IKBKE: variants seen among roughly 807,000 people sequenced by gnomAD.
The protein encoded by IKBKE is inhibitor of nuclear factor kappa-B kinase subunit epsilon.
Under a neutral mutation model 92.1 loss-of-function variants are expected in IKBKE, and 45 were observed. That is an observed-to-expected ratio of 0.49 (90% CI 0.38 to 0.63). The LOEUF (loss-of-function observed/expected upper bound fraction) is 0.63. IKBKE is among the 20% of genes least tolerant of loss of function. IKBKE has a pLI of 0.00. For missense variants in IKBKE, 700 were observed against 932.8 expected (o/e 0.75, Z 3.25); for synonymous variants, 374 against 380.3 (o/e 0.98, Z 0.19).
At chr1:206,482,145 GA>G (rs1553387314) in intron 13 of IKBKE, among the ~76,000 whole-genome samples, 1 of 152,124 alleles carries the variant, frequency 6.6e-6, no homozygotes, top group African/African-American at 2.4e-5. Flanking sequence ...CGCAGAGACA[GA>G]GAAGAAAAGG....
chr1:206,492,261 A>G (rs1378271038), intron 18 of IKBKE: 1 of 368,636 alleles, frequency 2.7e-6, no homozygotes, highest in Non-Finnish European at 5.5e-6. Context: ...TGTCCCCTTC[A>G]GGAGTTTTGG....
At chr1:206,491,359 C>CCCTT in intron 17 of IKBKE, 1 of 397,156 alleles carries the variant, frequency 2.5e-6, no homozygotes, top group African/African-American at 2.0e-5. Context: ...GCCTCACTTT[C>CCCTT]CCTTCCCTTT....
Position 206,474,984 on chromosome 1 carries a change from G to A in IKBKE, c.348G>A (p.Leu116=), listed in dbSNP as rs1553384905. ...GLPEDEFLVV[L]RCVVAGMNHL... Reference sequence around the variant, plus strand: ...CTGAGGATGAGTTCCTGGTGGTGCTGCGCTGTGTGGGTGAGCCCCTCCCTG... The same window carrying A: ...CTGAGGATGAGTTCCTGGTGGTGCTACGCTGTGTGGGTGAGCCCCTCCCTG... The change falls in exon 5 of 22, where the codon CTG becomes CTA. Residue 116 remains leucine, a synonymous_variant. Transcript: ENST00000581977. The A allele has an allele frequency of 1.2e-6, 2 of 1,613,828 alleles. No homozygotes were observed. The highest frequency in any genetic ancestry group is 2.7e-5 in the African/African-American group (2 of 74,894).
chr1:206,476,633 G>T lies in IKBKE; in HGVS notation c.541-45G>T. ...GGGGTCTGACAGGTCTCAGGCCCTT[G>T]CCAGCCCTCCGGCTCCATGGCCTCA... On this transcript the variant is annotated intron_variant, in intron 6 of 21. Transcript: ENST00000581977. The surrounding 1 kb of genome is among the most constrained non-coding windows in gnomAD (Gnocchi z 5.1). The T allele has an allele frequency of 1.2e-6, 2 of 1,611,440 alleles. No individual in the cohort carries two copies. Among genetic ancestry groups the T allele is most frequent in the East Asian group, 4.5e-5 (2 of 44,850 alleles).
rs148257552 is a variant in IKBKE at position 206,478,654 on chromosome 1, A to G, written c.993-289A>G. On this transcript the variant is annotated intron_variant, in intron 9 of 21. Coordinates refer to ENST00000581977, the MANE Select transcript of IKBKE (RefSeq NM_014002.4). This position sits in a 1 kb window ranked among gnomAD's most constrained non-coding sequence, Gnocchi z 4.8. Reference sequence around the variant, plus strand: ...GTACCCTTGATTCCTGGATAATTTTATAGAACTAGGTAAATTTTAATGGCA... The same window carrying G: ...GTACCCTTGATTCCTGGATAATTTTGTAGAACTAGGTAAATTTTAATGGCA... Among the ~76,000 whole-genome samples the G allele has an allele frequency of 1.2e-4, 18 of 152,246 alleles. No homozygotes were observed. The East Asian group carries it at 2.7e-3, about 23-fold the overall frequency.
At position 206,487,632 on chromosome 1, in the gene IKBKE, C is replaced by T. The variant is rs1665730583; in HGVS notation, c.1617-282C>T. Among the ~76,000 whole-genome samples the T allele has an allele frequency of 6.6e-6, 1 of 152,158 alleles. No individual in the cohort carries two copies. Among genetic ancestry groups the T allele is most frequent in the Non-Finnish European group, 1.5e-5 (1 of 68,036 alleles). On this transcript the variant is annotated intron_variant, in intron 15 of 21. Coordinates refer to ENST00000581977, the MANE Select transcript of IKBKE (RefSeq NM_014002.4). This position sits in a 1 kb window ranked among gnomAD's most constrained non-coding sequence, Gnocchi z 5.3. The stretch of plus-strand genomic sequence containing the variant: ...AAAGGCCACGTTCCTGTTGCCCGTC[C>T]TGCTTGGCTTCCTGTCTCTCTTATC...
intron 18 of IKBKE, chr1:206,492,779 T>G: frequency 1.4e-5 from 9 of 624,842 alleles, no homozygotes; most frequent in East Asian, 1.4e-4. Context: ...GCCACATGCA[T>G]GTTGTTGGTG....
At chr1:206,477,629 AG>A in intron 7 of IKBKE, 119 bp from the exon 8 acceptor site, 1 of 628,954 alleles carries the variant, frequency 1.6e-6, no homozygotes, top group Admixed American at 2.9e-5. Flanking sequence ...TCCATCTGTC[AG>A]GCTACTTTGG....
At chr1:206,480,342 GGGAGGCCGGCAGGAGGT>G (rs1665314761) in intron 12 of IKBKE, 88 bp from the exon 13 acceptor site, 2 of 983,264 alleles carry the variant, frequency 2.0e-6, no homozygotes, top group African/African-American at 3.2e-5. Flanking sequence ...AGGCCAGAGG[GGGAGGCCGGCAGGAGGT>G]GGAGGCCAGT....
In IKBKE at chr1:206,477,857, A is replaced by G; in HGVS notation, c.810A>G (p.Ser270=). The G allele has an allele frequency of 6.5e-7, 1 of 1,541,682 alleles. No homozygotes were observed. The change falls in exon 8 of 22, where the codon TCA becomes TCG. Residue 270 remains serine, a splice_region_variant and synonymous_variant. Coordinates refer to ENST00000581977, the MANE Select transcript of IKBKE (RefSeq NM_014002.4). The part of the protein sequence containing the change: ...SYTLPITCQL[S]LGLQSQLVPI... ...CCCTCCCCATCACCTGCCAGCTGTC[A>G]CTGTGAGTGGGACCCTGCTGGGGGG... is the stretch of plus-strand genomic sequence containing the variant.
chr1:206,472,523 G>A (rs1188115968), intron 2 of IKBKE, among the ~76,000 whole-genome samples: 4 of 151,692 alleles, frequency 2.6e-5, no homozygotes, highest in African/African-American at 9.7e-5. Context: ...CCTATACCCT[G>A]CTCTCACACA....
intron 11 of IKBKE, 35 bp downstream of exon 11, chr1:206,479,969 T>C: frequency 6.2e-7 from 1 of 1,613,116 alleles, no homozygotes; most frequent in Non-Finnish European, 8.5e-7. Flanking sequence ...GGGAGGGGCA[T>C]GACCCAAGGG....
rs1312023295 is a variant in IKBKE at position 206,487,086 on chromosome 1, G to A, written c.1617-828G>A. ...CACCCTCATGTTCCTGGCGGGGCAG[G>A]CTCCTTCGGCTGGCAGAGCCCTGGA... is the stretch of plus-strand genomic sequence containing the variant. On this transcript the variant is annotated intron_variant, in intron 15 of 21. Coordinates refer to ENST00000581977, the MANE Select transcript of IKBKE (RefSeq NM_014002.4). This position sits in a 1 kb window ranked among gnomAD's most constrained non-coding sequence, Gnocchi z 5.3. 3.9e-5 allele frequency among the ~76,000 whole-genome samples: 6 copies of A among 152,238 alleles called. No individual in the cohort carries two copies. Among genetic ancestry groups the A allele is most frequent in the African/African-American group, 1.4e-4 (6 of 41,470 alleles).
At chr1:206,494,210 T>C (rs1666101586) in intron 21 of IKBKE, among the ~76,000 whole-genome samples, 1 of 152,176 alleles carries the variant, frequency 6.6e-6, no homozygotes, top group African/African-American at 2.4e-5. Context: ...CTCCATGCTG[T>C]CAGGGAGATG....
In IKBKE at chr1:206,480,501, C is replaced by T; in HGVS notation, c.1395C>T (p.Leu465=). ...CTCTGGAAGTGGCAAGGACATCCCT[C>T]CTCTACCTCAGCAGCAGCCTGGGAA... ...RRTLEVARTS[L]LYLSSSLGTE... The change falls in exon 13 of 22, where the codon CTC becomes CTT. Residue 465 remains leucine (L), a synonymous_variant. Transcript: ENST00000581977. The T allele has an allele frequency of 6.2e-7, 1 of 1,613,816 alleles. No individual in the cohort carries two copies. The highest frequency in any genetic ancestry group is 8.5e-7 in the Non-Finnish European group (1 of 1,179,874).
chr1:206,482,231 G>T (rs1665441699), intron 13 of IKBKE, among the ~76,000 whole-genome samples: 1 of 152,216 alleles, frequency 6.6e-6, no homozygotes, highest in South Asian at 2.1e-4. Flanking sequence ...ATAGCCCAGA[G>T]CTAAGCCAGA....
chr1:206,481,066 T>C lies in IKBKE; in HGVS notation c.1427+533T>C, dbSNP rs41297616. 3.3e-3 allele frequency among the ~76,000 whole-genome samples: 501 copies of C among 152,116 alleles called. 5 individuals are homozygous for C. The highest frequency in any genetic ancestry group is 0.011 in the African/African-American group (463 of 41,476). On this transcript the variant is annotated intron_variant, in intron 13 of 21. Coordinates refer to ENST00000581977, the MANE Select transcript of IKBKE (RefSeq NM_014002.4). Reference sequence around the variant, plus strand: ...CCTCCACTCCCTTGTCTTGGGCTAATAAGGGGGGATGGGTTGGAAAAAGAG... The same window carrying C: ...CCTCCACTCCCTTGTCTTGGGCTAACAAGGGGGGATGGGTTGGAAAAAGAG...
intron 13 of IKBKE, 121 bp from the exon 14 acceptor site, chr1:206,484,876 G>A (rs558964476): frequency 1.9e-4 from 143 of 771,818 alleles, no homozygotes; most frequent in East Asian, 1.1e-3. Flanking sequence ...CCAGAGACCC[G>A]GAGAGCCACC....
intron 21 of IKBKE, among the ~76,000 whole-genome samples, chr1:206,495,883 T>C (rs1361344128): frequency 1.3e-5 from 2 of 152,194 alleles, no homozygotes; most frequent in African/African-American, 4.8e-5. Context: ...CCCCAGAGAC[T>C]CTGGGTACAG....
Sources: allele counts gnomAD v4.1 joint callset (sites outside exome capture counted in the v4.1 genomes callset), GRCh38; gene constraint gnomAD v4.1.1; non-coding constraint Gnocchi (gnomAD v3.1); transcripts MANE v1.5; gene names NCBI Gene and HGNC (gene_info 2026-07-23, HGNC 2026-07-21).